The following ARHGAP15 variants were observed in gnomAD, a reference collection of about 807,000 sequenced individuals.
The protein encoded by ARHGAP15 is rho GTPase-activating protein 15.
ARHGAP15 carries 51 observed loss-of-function variants against 63.7 expected under a neutral mutation model. The observed-to-expected ratio is 0.80, with a 90% confidence interval of 0.64 to 1.01. The LOEUF is 1.01. ARHGAP15 is among the 50% of genes least tolerant of loss of function. The pLI is 0.00. For missense variants in ARHGAP15, 560 were observed against 564.6 expected (o/e 0.99, Z 0.08); for synonymous variants, 191 against 193.8 (o/e 0.99, Z 0.12).
chr2:143,322,228 TTC>T (rs1286705047), intron 6 of ARHGAP15, among the ~76,000 whole-genome samples: 1 of 152,214 alleles, frequency 6.6e-6, no homozygotes, highest in African/African-American at 2.4e-5. Context: ...AGCAGTTTGT[TTC>T]TGTCAGGCTG....
At chr2:143,427,824 T>C (rs573122646) in intron 6 of ARHGAP15, among the ~76,000 whole-genome samples, 1 of 152,242 alleles carries the variant, frequency 6.6e-6, no homozygotes, top group South Asian at 2.1e-4. Flanking sequence ...TTATATTACC[T>C]GAAAGAATGC....
chr2:143,214,632 G>A (rs6430009), intron 3 of ARHGAP15, among the ~76,000 whole-genome samples: 3,640 of 152,172 alleles, frequency 0.024, 152 homozygotes, highest in African/African-American at 0.083. Flanking sequence ...TGGAGAACAT[G>A]GTGAAGTAAA....
At chr2:143,486,605 T>C (rs1431722957) in intron 8 of ARHGAP15, among the ~76,000 whole-genome samples, 1 of 152,004 alleles carries the variant, frequency 6.6e-6, no homozygotes, top group Non-Finnish European at 1.5e-5. Context: ...ATCTTGGATG[T>C]GTTTAGACCA....
At chr2:143,633,185 ATGTG>A (rs142921229) in intron 12 of ARHGAP15, among the ~76,000 whole-genome samples, 1 of 151,952 alleles carries the variant, frequency 6.6e-6, no homozygotes, top group African/African-American at 2.4e-5. Context: ...TTGCTTTTTA[ATGTG>A]TGTGTGTGTG....
intron 13 of ARHGAP15, among the ~76,000 whole-genome samples, chr2:143,740,747 T>C (rs530698122): frequency 3.9e-5 from 6 of 152,234 alleles, no homozygotes; most frequent in Non-Finnish European, 8.8e-5. Context: ...AGCTATTTAG[T>C]GCCTTAAAAG....
chr2:143,218,145 T>C (rs1692831073), intron 4 of ARHGAP15, among the ~76,000 whole-genome samples: 1 of 152,218 alleles, frequency 6.6e-6, no homozygotes, highest in East Asian at 1.9e-4. Flanking sequence ...TATTTGCTGT[T>C]ACTTTCCTGT....
At chr2:143,638,317 A>C (rs1680429230) in intron 12 of ARHGAP15, among the ~76,000 whole-genome samples, 2 of 149,488 alleles carry the variant, frequency 1.3e-5, no homozygotes, top group Non-Finnish European at 3.0e-5. Flanking sequence ...AATACTATGC[A>C]GCCATAAAAA....
At chr2:143,323,504 C>T (rs896454204) in intron 6 of ARHGAP15, among the ~76,000 whole-genome samples, 2 of 152,306 alleles carry the variant, frequency 1.3e-5, no homozygotes, top group East Asian at 1.9e-4. Context: ...AGGGATGAAA[C>T]GTCTGAAAGT....
intron 6 of ARHGAP15, among the ~76,000 whole-genome samples, chr2:143,389,091 G>GT (rs11429078): frequency 0.25 from 37,191 of 148,104 alleles, 5,136 homozygotes; most frequent in South Asian, 0.41. Flanking sequence ...TCTATTTTCT[G>GT]TTCTTTTACT....
intron 6 of ARHGAP15, among the ~76,000 whole-genome samples, chr2:143,423,865 T>A (rs1433058330): frequency 6.6e-6 from 1 of 152,132 alleles, no homozygotes; most frequent in African/African-American, 2.4e-5. Context: ...GGTGAGAATA[T>A]AGAAACACAA....
At chr2:143,517,096 G>A (rs934078349) in intron 9 of ARHGAP15, among the ~76,000 whole-genome samples, 4 of 151,966 alleles carry the variant, frequency 2.6e-5, no homozygotes, top group East Asian at 1.9e-4. Context: ...CTACAGGCAC[G>A]CGCCACCATG....
intron 12 of ARHGAP15, among the ~76,000 whole-genome samples, chr2:143,632,242 G>A (rs575028311): frequency 1.7e-4 from 26 of 152,070 alleles, no homozygotes; most frequent in Middle Eastern, 3.4e-3. Context: ...TGCTAACTCC[G>A]TGATCAAAAA....
chr2:143,315,384 AATTT>A (rs1683653923), intron 6 of ARHGAP15, among the ~76,000 whole-genome samples: 1 of 152,216 alleles, frequency 6.6e-6, no homozygotes, highest in Non-Finnish European at 1.5e-5. Context: ...CAATTCTATT[AATTT>A]GTCATCTTAG....
chr2:143,572,604 G>A (rs1023327112), intron 11 of ARHGAP15, among the ~76,000 whole-genome samples: 3 of 152,084 alleles, frequency 2.0e-5, no homozygotes, highest in Non-Finnish European at 4.4e-5. Flanking sequence ...TCTACATAAG[G>A]TATTTTCAAC....
intron 11 of ARHGAP15, among the ~76,000 whole-genome samples, chr2:143,581,863 G>T (rs1696921551): frequency 6.6e-6 from 1 of 152,120 alleles, no homozygotes. Flanking sequence ...CCAAGGATTG[G>T]AGCTTCTCTT....
intron 6 of ARHGAP15, among the ~76,000 whole-genome samples, chr2:143,293,190 G>A (rs1025276839): frequency 6.6e-6 from 1 of 151,934 alleles, no homozygotes; most frequent in African/African-American, 2.4e-5. Flanking sequence ...TATTAATCAA[G>A]AAGACACCCA....
chr2:143,433,371 T>G (rs1429976210), intron 6 of ARHGAP15, among the ~76,000 whole-genome samples: 1 of 152,004 alleles, frequency 6.6e-6, no homozygotes, highest in African/African-American at 2.4e-5. Context: ...CTCGAAAGAT[T>G]AGTGGGAAGA....
intron 9 of ARHGAP15, among the ~76,000 whole-genome samples, chr2:143,502,348 G>A (rs1469715992): frequency 1.3e-5 from 2 of 151,912 alleles, no homozygotes; most frequent in Non-Finnish European, 2.9e-5. Context: ...GGCAGAGGTT[G>A]AAGTGAGCCA....
At chr2:143,589,910 G>A (rs1387911171) in intron 11 of ARHGAP15, among the ~76,000 whole-genome samples, 1 of 152,168 alleles carries the variant, frequency 6.6e-6, no homozygotes, top group Admixed American at 6.5e-5. Context: ...CTTTATGTGT[G>A]TAACTTAACA....
Sources: allele counts gnomAD v4.1 joint callset (sites outside exome capture counted in the v4.1 genomes callset), GRCh38; gene constraint gnomAD v4.1.1; transcripts MANE v1.5; gene names NCBI Gene and HGNC (gene_info 2026-07-23, HGNC 2026-07-21).